MYRIP: variants seen among roughly 807,000 people sequenced by gnomAD.
MYRIP encodes the protein rab effector MyRIP.
In MYRIP, 49 loss-of-function variants were observed where a neutral mutation model predicts 98.0. The ratio of observed to expected loss-of-function variants is 0.50; its 90% CI spans 0.40 to 0.63. The LOEUF (loss-of-function observed/expected upper bound fraction) is 0.63, where lower values mean the gene tolerates loss of function less well. Among genes scored for constraint, MYRIP ranks in the 30% least tolerant of loss-of-function variants. The probability of loss-of-function intolerance (pLI) is 0.00; values close to 1 mark genes in which losing one functional copy is unlikely to be tolerated. For missense variants in MYRIP, 1,004 were observed against 1,058.2 expected (o/e 0.95, Z 0.71); for synonymous variants, 404 against 409.5 (o/e 0.99, Z 0.16).
At chr3:40,151,496 G>A (rs1243726611) in intron 4 of MYRIP, among the ~76,000 whole-genome samples, 5 of 152,154 alleles carry the variant, frequency 3.3e-5, no homozygotes, top group Non-Finnish European at 7.4e-5. Flanking sequence ...ATCCCTTAAT[G>A]ATTAAAACGT....
intron 9 of MYRIP, among the ~76,000 whole-genome samples, chr3:40,185,879 G>A (rs993204457): frequency 1.4e-4 from 21 of 152,126 alleles, no homozygotes; most frequent in South Asian, 4.1e-4. Flanking sequence ...AATGAGCCCC[G>A]TCGCCCCTAT....
At chr3:40,110,931 G>A (rs951599778) in intron 3 of MYRIP, among the ~76,000 whole-genome samples, 5 of 144,862 alleles carry the variant, frequency 3.5e-5, no homozygotes, top group South Asian at 2.3e-4. Context: ...TGTGTGTAGC[G>A]TACTCATCTA....
At chr3:39,957,963 A>G (rs1378493643) in intron 2 of MYRIP, among the ~76,000 whole-genome samples, 2 of 152,214 alleles carry the variant, frequency 1.3e-5, no homozygotes, top group Non-Finnish European at 2.9e-5. Flanking sequence ...CTAGGAATCT[A>G]ACTTACAAGG....
intron 2 of MYRIP, among the ~76,000 whole-genome samples, chr3:39,910,879 A>T (rs1457756622): frequency 6.6e-6 from 1 of 152,022 alleles, no homozygotes; most frequent in Non-Finnish European, 1.5e-5. Flanking sequence ...TTCCTTTTTT[A>T]TATGTGGTTT....
intron 3 of MYRIP, among the ~76,000 whole-genome samples, chr3:40,115,414 C>T (rs997215439): frequency 9.2e-5 from 14 of 152,098 alleles, no homozygotes; most frequent in Non-Finnish European, 1.9e-4. Flanking sequence ...CACAGGGTGG[C>T]AGGAGAGAGA....
intron 3 of MYRIP, among the ~76,000 whole-genome samples, chr3:40,123,261 A>AT (rs1466087163): frequency 3.3e-5 from 5 of 152,268 alleles, no homozygotes; most frequent in South Asian, 2.1e-4. Context: ...GGTCTTAAGG[A>AT]TTTTTTTTAA....
At chr3:40,076,440 C>G (rs1298658025) in intron 3 of MYRIP, among the ~76,000 whole-genome samples, 2 of 152,200 alleles carry the variant, frequency 1.3e-5, no homozygotes, top group Non-Finnish European at 2.9e-5. Context: ...ATTGCCCAAC[C>G]ACAAACCATA....
intron 11 of MYRIP, among the ~76,000 whole-genome samples, chr3:40,228,564 G>A (rs1016528910): frequency 8.5e-5 from 13 of 152,102 alleles, no homozygotes; most frequent in Admixed American, 4.6e-4. Flanking sequence ...TATACTGTAC[G>A]CTTCCCTATC....
At chr3:39,871,774 G>A (rs1042876887) in intron 1 of MYRIP, among the ~76,000 whole-genome samples, 2 of 152,052 alleles carry the variant, frequency 1.3e-5, no homozygotes, top group African/African-American at 4.8e-5. Context: ...TTGTGATGAT[G>A]TGTAGAAATT....
rs879764809 is a variant in MYRIP at position 40,113,330 on chromosome 3, A to G, written c.333-37718A>G. On this transcript the variant is annotated intron_variant, in intron 3 of 16. Transcript: ENST00000302541. ...GGGTAATTTTTTGTGTTTTCAGTAG[A>G]GATGGGGTTTTACCGTGTTGGCCAG... 1.5e-3 allele frequency among the ~76,000 whole-genome samples: 234 copies of G among 152,208 alleles called. 3 individuals carry two copies. The highest frequency in any genetic ancestry group is 2.0e-3 in the Non-Finnish European group (133 of 68,006).
chr3:39,953,812 C>G (rs1945087864), intron 2 of MYRIP, among the ~76,000 whole-genome samples: 1 of 152,158 alleles, frequency 6.6e-6, no homozygotes, highest in Non-Finnish European at 1.5e-5. Flanking sequence ...AAAATCAGGA[C>G]ACTCCCGCCC....
chr3:40,187,842 G>A (rs1951079326), intron 9 of MYRIP, among the ~76,000 whole-genome samples: 1 of 152,198 alleles, frequency 6.6e-6, no homozygotes, highest in African/African-American at 2.4e-5. Flanking sequence ...ATATAAGCAG[G>A]GAGATGAGAA....
intron 2 of MYRIP, among the ~76,000 whole-genome samples, chr3:39,952,633 T>A (rs188201149): frequency 6.6e-6 from 1 of 152,338 alleles, no homozygotes; most frequent in Admixed American, 6.5e-5. Context: ...TAGCTTTATA[T>A]CAGGCTAATA....
chr3:39,928,436 A>C (rs1944466569), intron 2 of MYRIP, among the ~76,000 whole-genome samples: 2 of 151,982 alleles, frequency 1.3e-5, no homozygotes, highest in Admixed American at 1.3e-4. Context: ...AATCTTGTAC[A>C]AAATATTAAC....
chr3:39,964,774 T>A (rs1182035476), intron 2 of MYRIP, among the ~76,000 whole-genome samples: 1 of 152,186 alleles, frequency 6.6e-6, no homozygotes, highest in East Asian at 1.9e-4. Flanking sequence ...GCAGTAGAAT[T>A]TCATAGTCAT....
chr3:39,867,429 G>A (rs1942658042), intron 1 of MYRIP, among the ~76,000 whole-genome samples: 1 of 152,088 alleles, frequency 6.6e-6, no homozygotes, highest in South Asian at 2.1e-4. Flanking sequence ...TATCTAATAA[G>A]ATTTTAATAT....
chr3:39,899,281 C>T (rs1943689083), intron 1 of MYRIP, among the ~76,000 whole-genome samples: 1 of 152,138 alleles, frequency 6.6e-6, no homozygotes, highest in African/African-American at 2.4e-5. Context: ...AGATTTATCC[C>T]TGTTGATGAA....
At chr3:39,858,508 A>G (rs551782351) in intron 1 of MYRIP, among the ~76,000 whole-genome samples, 2 of 152,274 alleles carry the variant, frequency 1.3e-5, no homozygotes, top group Admixed American at 1.3e-4. Flanking sequence ...ATAAAAAATT[A>G]GCAGATTTTA....
intron 3 of MYRIP, among the ~76,000 whole-genome samples, chr3:40,070,174 G>A (rs78521900): frequency 0.093 from 14,077 of 152,146 alleles, 760 homozygotes; most frequent in East Asian, 0.22. Flanking sequence ...AATTCTTATA[G>A]AGAACATACT....
Sources: gnomAD v4.1 joint callset for allele counts (sites outside exome capture counted in the v4.1 genomes callset) on GRCh38, gnomAD v4.1.1 for gene constraint, MANE v1.5 for transcripts, NCBI Gene and HGNC (gene_info 2026-07-23, HGNC 2026-07-21) for gene names.